ADD3: variants seen among roughly 807,000 people sequenced by gnomAD.
ADD3 encodes the protein gamma-adducin.
Under a neutral mutation model 80.2 loss-of-function variants are expected in ADD3, and 25 were observed. That is an observed-to-expected ratio of 0.31 (90% CI 0.23 to 0.44). ADD3 has a LOEUF of 0.44. Among genes scored for constraint, ADD3 ranks in the 20% least tolerant of loss-of-function variants. ADD3 has a pLI of 1.00. For synonymous variants in ADD3, 284 were observed against 289.6 expected (o/e 0.98, Z 0.20); for missense variants, 829 against 847.5 (o/e 0.98, Z 0.27).
chr10:110,041,678 T>C (rs1370819779), intron 1 of ADD3, among the ~76,000 whole-genome samples: 1 of 152,166 alleles, frequency 6.6e-6, no homozygotes, highest in East Asian at 1.9e-4. Flanking sequence ...AAATGCAAGA[T>C]TGTGAGAACT....
intron 1 of ADD3, among the ~76,000 whole-genome samples, chr10:110,098,902 A>G (rs1848484266): frequency 6.6e-6 from 1 of 151,960 alleles, no homozygotes; most frequent in South Asian, 2.1e-4. Flanking sequence ...TGCTGCGATT[A>G]TGGGCATGAG....
At chr10:110,122,643 T>G (rs887666771) in intron 9 of ADD3, among the ~76,000 whole-genome samples, 1 of 151,632 alleles carries the variant, frequency 6.6e-6, no homozygotes, top group Non-Finnish European at 1.5e-5. Flanking sequence ...AACTTTTTTT[T>G]TTTTCTTGGA....
At chr10:110,069,871 A>T (rs980709135) in intron 1 of ADD3, among the ~76,000 whole-genome samples, 2 of 152,244 alleles carry the variant, frequency 1.3e-5, no homozygotes, top group Non-Finnish European at 2.9e-5. Context: ...GTCAGATTAG[A>T]GTGAAAGCAA....
At chr10:110,114,165 C>T (rs565719961) in intron 3 of ADD3, among the ~76,000 whole-genome samples, 1 of 152,266 alleles carries the variant, frequency 6.6e-6, no homozygotes, top group South Asian at 2.1e-4. Context: ...GTTTGGAGAT[C>T]AGGAAATAGC....
At chr10:110,095,344 C>A (rs370613365) in intron 1 of ADD3, among the ~76,000 whole-genome samples, 24 of 152,318 alleles carry the variant, frequency 1.6e-4, no homozygotes, top group African/African-American at 5.8e-4. Flanking sequence ...TTCATCACTC[C>A]AAAAATAAAT....
rs554366894 is a variant in ADD3 at position 110,097,921 on chromosome 10, C to T, written c.-29-2704C>T. On this transcript the variant is annotated intron_variant, in intron 1 of 14. Transcript: ENST00000356080. The stretch of plus-strand genomic sequence containing the variant: ...TCCTGAGTAGCTGGGACTACAGGCG[C>T]CTGCCACCACGCCTGGCTAATTTTT... Among the ~76,000 whole-genome samples, 22 of 152,118 alleles carry T rather than the reference C, an allele frequency of 1.4e-4. No individual in the cohort carries two copies. In the East Asian group the frequency reaches 2.5e-3, roughly 17 times the overall value.
chr10:110,045,345 C>T (rs927558510), intron 1 of ADD3, among the ~76,000 whole-genome samples: 1 of 151,712 alleles, frequency 6.6e-6, no homozygotes, highest in Admixed American at 6.6e-5. Flanking sequence ...CACAGCAAGA[C>T]TCTGTCTCAA....
At chr10:110,026,382 G>A (rs1260221082) in intron 1 of ADD3, among the ~76,000 whole-genome samples, 3 of 150,516 alleles carry the variant, frequency 2.0e-5, no homozygotes, top group Non-Finnish European at 4.4e-5. Context: ...CCCGGTTCAA[G>A]CAATTCTCCT....
intron 3 of ADD3, among the ~76,000 whole-genome samples, chr10:110,113,678 G>A (rs563556281): frequency 3.2e-4 from 48 of 152,292 alleles, no homozygotes; most frequent in Non-Finnish European, 4.1e-4. Flanking sequence ...TTGATGGGAA[G>A]CCATTTTAAG....
chr10:110,132,015 T>A (rs1403986560), intron 13 of ADD3, among the ~76,000 whole-genome samples: 1 of 152,254 alleles, frequency 6.6e-6, no homozygotes, highest in East Asian at 1.9e-4. Flanking sequence ...GGTTTTCTAA[T>A]GCTAGCAAGA....
intron 1 of ADD3, among the ~76,000 whole-genome samples, chr10:110,095,223 A>G (rs1292705894): frequency 6.6e-6 from 1 of 152,336 alleles, no homozygotes; most frequent in East Asian, 1.9e-4. Flanking sequence ...TAACAGTTTT[A>G]TGGAGATAAT....
rs1200747434 is a variant in ADD3 at position 110,056,570 on chromosome 10, G to A, written c.-29-44055G>A. Among the ~76,000 whole-genome samples the A allele has an allele frequency of 2.6e-5, 4 of 152,196 alleles. No individual in the cohort carries two copies. The East Asian group carries it at 7.7e-4, about 29-fold the overall frequency. ...AGAAAATACCTTTCCTTATGCTTGG[G>A]AAATAAATGGAATTTTTTACAAAAT... On this transcript the variant is annotated intron_variant, in intron 1 of 14. Transcript: ENST00000356080.
intron 3 of ADD3, among the ~76,000 whole-genome samples, chr10:110,114,070 A>G (rs1850379873): frequency 6.6e-6 from 1 of 152,234 alleles, no homozygotes; most frequent in African/African-American, 2.4e-5. Context: ...CCTGGATTCC[A>G]TGGCGGGAAC....
chr10:110,021,690 G>A (rs1400808368), intron 1 of ADD3, among the ~76,000 whole-genome samples: 1 of 152,178 alleles, frequency 6.6e-6, no homozygotes, highest in Non-Finnish European at 1.5e-5. Context: ...ATTAGTGGTT[G>A]TCAGGAGCTG....
At chr10:110,113,619 A>G (rs954762398) in intron 3 of ADD3, among the ~76,000 whole-genome samples, 3 of 152,200 alleles carry the variant, frequency 2.0e-5, no homozygotes, top group Admixed American at 6.5e-5. Flanking sequence ...GTGGCTGGAT[A>G]TAAATCATAT....
intron 2 of ADD3, 83 bp downstream of exon 2, chr10:110,100,931 T>TCA: frequency 7.6e-7 from 1 of 1,323,110 alleles, no homozygotes; most frequent in Non-Finnish European, 1.0e-6. Flanking sequence ...CAAACTACCC[T>TCA]CAGGTTAAAA....
At chr10:110,085,978 G>A (rs991900505) in intron 1 of ADD3, among the ~76,000 whole-genome samples, 1 of 152,112 alleles carries the variant, frequency 6.6e-6, no homozygotes, top group African/African-American at 2.4e-5. Context: ...GGTGGTACAA[G>A]CCTGTAATCC....
chr10:110,054,140 A>G (rs1181846659), intron 1 of ADD3, among the ~76,000 whole-genome samples: 3 of 152,204 alleles, frequency 2.0e-5, no homozygotes, highest in Non-Finnish European at 4.4e-5. Context: ...AGTTTCGTTT[A>G]TATATGCTGA....
chr10:110,005,755 C>T (rs1402998736), upstream of ADD3: 1 of 152,166 alleles, frequency 6.6e-6, no homozygotes, highest in Admixed American at 6.5e-5. Context: ...ATTCCTCAAC[C>T]ACCCAGTTAA....
Sources: allele counts gnomAD v4.1 joint callset (sites outside exome capture counted in the v4.1 genomes callset), GRCh38; gene constraint gnomAD v4.1.1; transcripts MANE v1.5; gene names NCBI Gene and HGNC (gene_info 2026-07-23, HGNC 2026-07-21).